The following ASCC2 variants were observed in gnomAD, a reference collection of about 807,000 sequenced individuals.
ASCC2 encodes ASC-1 complex subunit P100.
Under a neutral mutation model 93.5 loss-of-function variants are expected in ASCC2, and 42 were observed. That is an observed-to-expected ratio of 0.45 (90% confidence interval 0.35 to 0.58). The LOEUF (loss-of-function observed/expected upper bound fraction) is 0.58, where lower values mean the gene tolerates loss of function less well. Ranked by LOEUF, ASCC2 falls within the 20% of genes least tolerant of loss-of-function variation. The pLI, the probability that ASCC2 is intolerant of heterozygous loss-of-function variation, is 0.00. For missense variants in ASCC2, 859 were observed against 977.6 expected (o/e 0.88, Z 1.62); for synonymous variants, 364 against 384.2 (o/e 0.95, Z 0.62).
chr22:29,808,063 G>C (rs527590827), intron 9 of ASCC2, 48 bp downstream of exon 9: 12 of 1,596,238 alleles, frequency 7.5e-6, no homozygotes, highest in African/African-American at 2.7e-5. Flanking sequence ...GGCCCTGCTC[G>C]GGCCTCTCTG....
At position 29,832,253 on chromosome 22, in the gene ASCC2, G is replaced by C. The variant is rs1316400321; in HGVS notation, c.73C>G (p.Pro25Ala). The C allele has an allele frequency of 1.2e-6, 2 of 1,613,194 alleles. No individual in the cohort carries two copies. Among genetic ancestry groups the C allele is most frequent in the Non-Finnish European group, 1.7e-6 (2 of 1,179,304 alleles). Residue 25 changes from proline to alanine, a missense_variant, in exon 2 of 20, where the codon CCA (proline) becomes GCA (alanine). Pro to Ala is a conservative substitution (Grantham distance 27). Coordinates refer to ENST00000307790, the MANE Select transcript of ASCC2 (RefSeq NM_032204.5). The part of the protein sequence containing the change: ...DPKTGKLRTS[P>A]ALHPEQKADR... ...TTAAGTGACCGGCTCACCAGCGCTG[G>C]TGAAGTCCTCAGCTTTCCTGTCTTC...
rs1601858279 is a variant in ASCC2, at chr22:29,798,966, C to G, written c.1688+2025G>C. 2.0e-5 allele frequency among the ~76,000 whole-genome samples: 3 copies of G among 152,384 alleles called. No homozygotes were observed. In the South Asian group the frequency reaches 6.2e-4, roughly 32 times the overall value. ...CAGTGAGTCTCTCTGCGTGCCAGCCCAGAGGGCCCCAGGAACAAGGGCACA... is the reference window on the plus strand; with the variant it reads ...CAGTGAGTCTCTCTGCGTGCCAGCCGAGAGGGCCCCAGGAACAAGGGCACA... On this transcript the variant is annotated intron_variant, in intron 15 of 19. Transcript: ENST00000307790.
Position 29,815,036 on chromosome 22 carries a change from C to T in ASCC2, c.610-269G>A, listed in dbSNP as rs139431542. On this transcript the variant is annotated intron_variant, in intron 6 of 19. Coordinates refer to ENST00000307790, the MANE Select transcript of ASCC2 (RefSeq NM_032204.5). ...TGGGGCCAGGTGTGGTGGCTCACTC[C>T]TGTATCCCCAAACTTTGGGAGGCCA... The T allele has an allele frequency of 8.0e-5, 26 of 324,744 alleles. No individual in the cohort carries two copies. In the East Asian group the frequency reaches 2.3e-3, roughly 29 times the overall value. 20.1% of individuals were successfully genotyped at this position (324,744 alleles called of 1,614,324 possible).
intron 15 of ASCC2, among the ~76,000 whole-genome samples, chr22:29,800,159 C>T (rs1019359687): frequency 6.6e-6 from 1 of 152,172 alleles, no homozygotes; most frequent in South Asian, 2.1e-4. Flanking sequence ...ACTATGGCCT[C>T]GGGACCACTG....
chr22:29,807,235 CAAAAAAAAAAAA>C (rs553545816), intron 9 of ASCC2, among the ~76,000 whole-genome samples: 4 of 46,480 alleles, frequency 8.6e-5, no homozygotes, highest in African/African-American at 2.7e-4. Context: ...GACCCTGTCT[CAAAAAAAAAAAA>C]AAAAAAAAAA....
rs2068577147 is a variant in ASCC2 at position 29,789,295 on chromosome 22, G to A, written c.2103-111C>T. On this transcript the variant is annotated intron_variant, in intron 19 of 19. Transcript: ENST00000307790. The stretch of plus-strand genomic sequence containing the variant: ...CTGGGAGAGGACACAGACTGGGCCT[G>A]GTCACTCATGTCCCAACTTCAGATG... 2.3e-6 allele frequency: 3 copies of A among 1,292,894 alleles called. No individual in the cohort carries two copies. In the South Asian group the frequency reaches 3.9e-5, roughly 17 times the overall value. The allele number at this position is 1,292,894 out of a possible 1,614,324, so 80.1% of individuals were successfully genotyped here. A position where few individuals can be genotyped will look rare whatever the true frequency, so the allele number is the denominator to read the frequency against.
chr22:29,827,476 C>T (rs998398043), intron 2 of ASCC2: 14 of 426,966 alleles, frequency 3.3e-5, no homozygotes, highest in African/African-American at 1.0e-4. Flanking sequence ...TAGTGCCTTA[C>T]GCGAGTTTCC....
chr22:29,806,105 C>T, intron 12 of ASCC2, 111 bp downstream of exon 12: 1 of 1,205,892 alleles, frequency 8.3e-7, no homozygotes, highest in South Asian at 1.3e-5. Flanking sequence ...CTGGCTGACC[C>T]ATGCGTTCTG....
Position 29,790,608 on chromosome 22 carries a change from C to T in ASCC2, c.2023-60G>A, listed in dbSNP as rs780127501. ...GGAGCTGCCACATTTTCCTAAGCGG[C>T]GATGAGGCCCTGCTCAAGTGAAGCT... On this transcript the variant is annotated intron_variant, in intron 18 of 19. Transcript: ENST00000307790. 3.5e-5 allele frequency: 53 copies of T among 1,532,878 alleles called. No individual in the cohort carries two copies. The Middle Eastern group carries it at 6.8e-4, about 20-fold the overall frequency. 95.0% of individuals were successfully genotyped at this position (1,532,878 alleles called of 1,614,324 possible). A position where few individuals can be genotyped will look rare whatever the true frequency, so the allele number is the denominator to read the frequency against.
intron 5 of ASCC2, among the ~76,000 whole-genome samples, chr22:29,821,555 T>A (rs2061553370): frequency 6.6e-6 from 1 of 152,234 alleles, no homozygotes; most frequent in South Asian, 2.1e-4. Flanking sequence ...CCAATTGACA[T>A]AACATATGTG....
intron 1 of ASCC2, among the ~76,000 whole-genome samples, chr22:29,833,048 G>A (rs563895102): frequency 3.3e-5 from 5 of 152,150 alleles, no homozygotes; most frequent in South Asian, 2.1e-4. Flanking sequence ...CTCCCAAAGC[G>A]CTCACAGGTG....
At chr22:29,813,602 G>A in intron 7 of ASCC2, 60 bp from the exon 8 acceptor site, 6 of 1,137,198 alleles carry the variant, frequency 5.3e-6, no homozygotes, top group Non-Finnish European at 6.6e-6. Flanking sequence ...GATCTGCAGA[G>A]CACCTGAGAC....
At position 29,806,446 on chromosome 22, in the gene ASCC2, G is replaced by C. The variant is rs779965081; in HGVS notation, c.1085+39C>G. 1.9e-6 allele frequency: 3 copies of C among 1,604,162 alleles called. No homozygotes were observed. The East Asian group carries it at 6.7e-5, about 36-fold the overall frequency. On this transcript the variant is annotated intron_variant, in intron 11 of 19. Transcript: ENST00000307790. ...CATGTAAGGCCTCTTGGGGACCTGT[G>C]GGAGGGTCATGGGCCCAGGCCAGCT... is the stretch of plus-strand genomic sequence containing the variant.
chr22:29,801,045 A>AACTCGTCAT lies in ASCC2; in HGVS notation c.1625_1633dup (p.Glu544_Phe545insTyrAspGlu). Reference sequence around the variant, plus strand: ...TACTGAGTCCCTGCTGAACACATCAAACTCGTCATTCTGGAAGACGTTGTG... The same window carrying AACTCGTCAT: ...TACTGAGTCCCTGCTGAACACATCAAACTCGTCATACTCGTCATTCTGGAAGACGTTGTG... On this transcript the variant is annotated inframe_insertion, in exon 15 of 20. Coordinates refer to ENST00000307790, the MANE Select transcript of ASCC2 (RefSeq NM_032204.5). The AACTCGTCAT allele has an allele frequency of 1.2e-6, 2 of 1,609,990 alleles. No individual in the cohort carries two copies. Among genetic ancestry groups the AACTCGTCAT allele is most frequent in the African/African-American group, 2.7e-5 (2 of 74,950 alleles).
intron 15 of ASCC2, among the ~76,000 whole-genome samples, chr22:29,800,278 A>G (rs1362597262): frequency 6.6e-6 from 1 of 152,030 alleles, no homozygotes; most frequent in African/African-American, 2.4e-5. Flanking sequence ...AGCCTTCTTG[A>G]CTGGGGTGAA....
At chr22:29,799,475 A>G (rs1034239361) in intron 15 of ASCC2, among the ~76,000 whole-genome samples, 1 of 152,210 alleles carries the variant, frequency 6.6e-6, no homozygotes, top group Non-Finnish European at 1.5e-5. Context: ...AGCAGTGGAC[A>G]GCCCTAGGGA....
chr22:29,816,912 A>G (rs1189580643), intron 5 of ASCC2, among the ~76,000 whole-genome samples: 1 of 152,176 alleles, frequency 6.6e-6, no homozygotes, highest in Non-Finnish European at 1.5e-5. Flanking sequence ...GCCCCCTGTA[A>G]TCCCAGCATC....
intron 5 of ASCC2, among the ~76,000 whole-genome samples, chr22:29,821,167 G>T (rs371066970): frequency 5.5e-4 from 84 of 151,742 alleles, no homozygotes; most frequent in Middle Eastern, 3.4e-3. Flanking sequence ...TTATTTTTTT[G>T]TGTGTGTGTG....
chr22:29,790,444 C>A (rs771395991), intron 19 of ASCC2, 25 bp downstream of exon 19: 4 of 1,613,574 alleles, frequency 2.5e-6, no homozygotes, highest in Non-Finnish European at 3.4e-6. Flanking sequence ...GGGGTCCCCC[C>A]AGAAGCAGCC....
Sources: gnomAD v4.1 joint callset for allele counts (sites outside exome capture counted in the v4.1 genomes callset) on GRCh38, gnomAD v4.1.1 for gene constraint, MANE v1.5 for transcripts, NCBI Gene and HGNC (gene_info 2026-07-23, HGNC 2026-07-21) for gene names.